The following PHF8 variants were observed in gnomAD, a reference collection of about 807,000 sequenced individuals.
PHF8 encodes the protein histone lysine demethylase PHF8.
In PHF8, 9 loss-of-function variants were observed where a neutral mutation model predicts 74.4. The ratio of observed to expected loss-of-function variants is 0.12; its 90% CI spans 0.07 to 0.21. The LOEUF (loss-of-function observed/expected upper bound fraction) is 0.21, where lower values mean the gene tolerates loss of function less well. PHF8 is among the 10% of genes least tolerant of loss of function. The probability of loss-of-function intolerance (pLI) is 1.00; values close to 1 mark genes in which losing one functional copy is unlikely to be tolerated. For missense variants in PHF8, 478 were observed against 816.6 expected (o/e 0.59, Z 5.05); for synonymous variants, 311 against 316.6 (o/e 0.98, Z 0.19).
At position 54,023,676 on chromosome X, in the gene PHF8, G is replaced by C. The variant is rs1291285508; in HGVS notation, c.99-833C>G. Among the ~76,000 whole-genome samples the C allele has an allele frequency of 2.8e-5, 3 of 107,529 alleles. No individual in the cohort carries two copies. The East Asian group carries it at 8.8e-4, about 32-fold the overall frequency. 93.4% of individuals were successfully genotyped at this position (107,529 alleles called of 115,157 possible). On this transcript the variant is annotated intron_variant, in intron 2 of 21. Coordinates refer to ENST00000338154, the MANE Select transcript of PHF8 (RefSeq NM_015107.3). ...GAGCCCAGGAGTTCAAGACCAGCCT[G>C]GGCAACAAATTGAGACCCCCATCTC...
At chrX:53,954,791 T>G (rs2064990350) in intron 19 of PHF8, among the ~76,000 whole-genome samples, 1 of 110,797 alleles carries the variant, frequency 9.0e-6, no homozygotes, top group African/African-American at 3.3e-5. Context: ...CACTATAGTA[T>G]ATTTCATTTA....
At chrX:53,973,813 G>A (rs1323382243) in intron 18 of PHF8, among the ~76,000 whole-genome samples, 2 of 111,688 alleles carry the variant, frequency 1.8e-5, no homozygotes, top group African/African-American at 6.5e-5. Context: ...TTAAATTAAA[G>A]AGCTTCTGCA....
chrX:53,952,967 C>A (rs1242701226), intron 19 of PHF8, among the ~76,000 whole-genome samples: 1 of 108,669 alleles, frequency 9.2e-6, no homozygotes, highest in Non-Finnish European at 1.9e-5. Flanking sequence ...TGTTAATCCC[C>A]AGGACAACCA....
rs1481280907 is a variant in PHF8, at chrX:53,937,351, A to G, written c.*1807T>C. The G allele has an allele frequency of 8.9e-6, 1 of 111,780 alleles. No individual in the cohort carries two copies. The highest frequency in any genetic ancestry group is 3.3e-5 in the African/African-American group (1 of 30,583). 9.2% of individuals were successfully genotyped at this position (111,780 alleles called of 1,213,427 possible). ...GATCAAGAAGGGGTGTTAATGGACA[A>G]AAGGGCTGGGGACCTGATCTTGGTT... On this transcript the variant is annotated 3_prime_UTR_variant, in exon 22 of 22. Transcript: ENST00000338154.
intron 19 of PHF8, among the ~76,000 whole-genome samples, chrX:53,959,371 C>T (rs781877867): frequency 4.5e-5 from 5 of 111,556 alleles, no homozygotes; most frequent in Admixed American, 1.9e-4. Flanking sequence ...TGCATCCTTG[C>T]GGCAAATGTC....
At chrX:53,942,918 C>A in intron 20 of PHF8, 1 of 753,081 alleles carries the variant, frequency 1.3e-6, no homozygotes, top group Non-Finnish European at 1.6e-6. Flanking sequence ...AGGGAGATGA[C>A]TAGAGACCAA....
At chrX:53,943,425 C>T in intron 20 of PHF8, 1 of 1,061,187 alleles carries the variant, frequency 9.4e-7, no homozygotes, top group Middle Eastern at 2.5e-4. Flanking sequence ...GAAAATATCA[C>T]CTGTTGAACA....
chrX:54,031,455 A>C (rs1286275528), intron 2 of PHF8, among the ~76,000 whole-genome samples: 2 of 108,914 alleles, frequency 1.8e-5, no homozygotes, highest in Non-Finnish European at 3.8e-5. Flanking sequence ...AGGACACAGC[A>C]AGTTCCAGCG....
intron 18 of PHF8, among the ~76,000 whole-genome samples, chrX:53,971,929 C>T (rs2065298140): frequency 1.8e-5 from 2 of 111,544 alleles, no homozygotes; most frequent in African/African-American, 3.3e-5. Context: ...ACCATTTCTA[C>T]TGAAACTATT....
chrX:53,949,737 G>A (rs1241326414), intron 19 of PHF8, among the ~76,000 whole-genome samples: 5 of 101,876 alleles, frequency 4.9e-5, no homozygotes, highest in African/African-American at 1.9e-4. Context: ...GTGTGAACCC[G>A]GAAGGCGGAG....
At chrX:53,942,187 C>A (rs1482790577) in intron 20 of PHF8, among the ~76,000 whole-genome samples, 1 of 111,847 alleles carries the variant, frequency 8.9e-6, no homozygotes, top group Non-Finnish European at 1.9e-5. Context: ...AACTCCCTGG[C>A]CTGACATTCA....
chrX:53,958,428 T>C (rs1402188154), intron 19 of PHF8, among the ~76,000 whole-genome samples: 4 of 101,780 alleles, frequency 3.9e-5, no homozygotes, highest in Non-Finnish European at 6.0e-5. Context: ...GAGGGGGAGG[T>C]AGGAAAACAT....
At chrX:53,946,473 A>T (rs1185796346) in intron 19 of PHF8, among the ~76,000 whole-genome samples, 1 of 112,514 alleles carries the variant, frequency 8.9e-6, no homozygotes, top group African/African-American at 3.2e-5. Flanking sequence ...GAAAACAAGC[A>T]GACATTCTAC....
At chrX:53,942,614 CTT>C (rs782190720) in intron 20 of PHF8, 632 of 624,203 alleles carry the variant, frequency 1.0e-3, no homozygotes, top group Middle Eastern at 8.7e-3. Context: ...TATTCCCACT[CTT>C]GAAGTATTCA....
intron 14 of PHF8, among the ~76,000 whole-genome samples, chrX:53,989,529 T>C (rs1210052869): frequency 4.6e-5 from 5 of 109,256 alleles, no homozygotes; most frequent in East Asian, 2.8e-4. Flanking sequence ...ACAACAAACG[T>C]TGGCCAGTAA....
chrX:53,948,114 C>G (rs782415381), intron 19 of PHF8, among the ~76,000 whole-genome samples: 2 of 111,594 alleles, frequency 1.8e-5, no homozygotes, highest in East Asian at 5.6e-4. Context: ...AAAAAAGAAC[C>G]CTCCTTGATT....
At chrX:54,036,780 C>T (rs1557114362) in intron 2 of PHF8, among the ~76,000 whole-genome samples, 1 of 107,612 alleles carries the variant, frequency 9.3e-6, no homozygotes, top group African/African-American at 3.4e-5. Flanking sequence ...GGGTGGATCA[C>T]CTGAGGTCAG....
chrX:53,985,046 A>G lies in PHF8; in HGVS notation c.2311T>C (p.Ser771Pro). 8.3e-7 allele frequency: 1 copy of G among 1,211,243 alleles called. No individual in the cohort carries two copies. The highest frequency in any genetic ancestry group is 1.1e-6 in the Non-Finnish European group (1 of 895,144). The change falls in exon 18 of 22, where the codon TCC becomes CCC. Residue 771 changes from serine to proline, a missense_variant. Transcript: ENST00000338154. Reference sequence around the variant, plus strand: ...GGCCGCTTCCCTGGGGTGCGCTGGGAAGCAGGACTGTTAGACACTGTGCCC... The same window carrying G: ...GGCCGCTTCCCTGGGGTGCGCTGGGGAGCAGGACTGTTAGACACTGTGCCC... ...GLGTVSNSPA[S>P]QRTPGKRPIK...
Position 53,992,794 on chromosome X carries a change from G to A in PHF8, c.1672C>T (p.Pro558Ser). 1 of 1,205,712 alleles carries A rather than the reference G, an allele frequency of 8.3e-7. No homozygotes were observed. The highest frequency in any genetic ancestry group is 1.7e-5 in the African/African-American group (1 of 57,489). ...ACLNDSDDDS[P>S]DLDLDGNESP... ...TCATTTCCATCAAGGTCCAAGTCTG[G>A]TGAGTCGTCATCTGAGTCATTCAAG... is the stretch of plus-strand genomic sequence containing the variant. The change falls in exon 14 of 22, where the codon CCA (proline) becomes TCA (serine). Residue 558 changes from proline (P) to serine (S), a missense_variant. Physicochemically the swap from Pro to Ser is moderately conservative, Grantham distance 74. Transcript: ENST00000338154.
Sources: allele counts gnomAD v4.1 joint callset (sites outside exome capture counted in the v4.1 genomes callset), GRCh38; gene constraint gnomAD v4.1.1; transcripts MANE v1.5; gene names NCBI Gene and HGNC (gene_info 2026-07-23, HGNC 2026-07-21).